LYST: variants seen among roughly 807,000 people sequenced by gnomAD.
LYST encodes lysosomal trafficking regulator, also known as lysosomal-trafficking regulator.
In LYST, 192 loss-of-function variants were observed where a neutral mutation model predicts 413.6. The observed-to-expected ratio is 0.46, with a 90% CI of 0.41 to 0.52. The LOEUF (loss-of-function observed/expected upper bound fraction) is 0.52. Ranked by LOEUF, LYST falls within the 20% of genes least tolerant of loss-of-function variation. The pLI is 0.00. For missense variants in LYST, 3,815 were observed against 4,499.9 expected (o/e 0.85, Z 4.35); for synonymous variants, 1,525 against 1,567.3 (o/e 0.97, Z 0.64).
At chr1:235,870,075 C>G (rs1680862535), upstream of LYST, among the ~76,000 whole-genome samples, 1 of 152,102 alleles carries the variant, frequency 6.6e-6, no homozygotes, top group Admixed American at 6.5e-5. Flanking sequence ...CCCTGGACCC[C>G]ACACATGAAT....
In LYST at chr1:235,857,402, T is replaced by A. The variant is rs545763141; in HGVS notation, c.-98+9441A>T. Reference sequence around the variant, plus strand: ...TATTTCTTCTGGGTACATCTTCCTATATAAGGATGTTGGGATTTGAAGAAA... The same window carrying A: ...TATTTCTTCTGGGTACATCTTCCTAAATAAGGATGTTGGGATTTGAAGAAA... On this transcript the variant is annotated intron_variant, in intron 1 of 52. Transcript: ENST00000389793. 2.0e-5 allele frequency among the ~76,000 whole-genome samples: 3 copies of A among 152,232 alleles called. No homozygotes were observed. The South Asian group carries it at 6.2e-4, about 32-fold the overall frequency.
intron 21 of LYST, among the ~76,000 whole-genome samples, chr1:235,763,413 CT>C (rs36022516): frequency 0.27 from 41,587 of 152,038 alleles, 7,497 homozygotes; most frequent in East Asian, 0.75. Context: ...TGACCACTAC[CT>C]TTCCTTTATC....
intron 3 of LYST, among the ~76,000 whole-genome samples, chr1:235,824,566 G>C (rs991528484): frequency 6.6e-6 from 1 of 152,118 alleles, no homozygotes; most frequent in Non-Finnish European, 1.5e-5. Flanking sequence ...GATAGGCTGG[G>C]CATGGTGGTA....
Position 235,809,915 on chromosome 1 carries a change from A to C in LYST, c.903T>G (p.Ser301Arg). The change falls in exon 5 of 53, where the codon AGT becomes AGG. Residue 301 changes from serine to arginine, a missense_variant. Coordinates refer to ENST00000389793, the MANE Select transcript of LYST (RefSeq NM_000081.4). The surrounding 1 kb of genome is among the most constrained non-coding windows in gnomAD (Gnocchi z 4.0). ...EFLAGFGDCC[S>R]LSDNLESRVV... ...CTCGACTCTCCAAGTTGTCGCTCAG[A>C]CTGCAGCAGTCCCCAAAGCCTGCTA... is the stretch of plus-strand genomic sequence containing the variant. 1 of 1,614,006 alleles carries C rather than the reference A, an allele frequency of 6.2e-7. No homozygotes were observed. Among genetic ancestry groups the C allele is most frequent in the Non-Finnish European group, 8.5e-7 (1 of 1,179,992 alleles).
intron 50 of LYST, among the ~76,000 whole-genome samples, chr1:235,673,402 G>A (rs952698407): frequency 4.6e-5 from 7 of 151,864 alleles, no homozygotes; most frequent in African/African-American, 1.2e-4. Context: ...AGCCACTACC[G>A]CCCCCTTATC....
intron 3 of LYST, chr1:235,828,210 G>C (rs185669795): frequency 1.1e-6 from 1 of 925,804 alleles, no homozygotes; most frequent in Non-Finnish European, 1.3e-6. Flanking sequence ...TGACATAAAA[G>C]AGAAAGCATA....
At chr1:235,863,459 CT>C (rs1459984031) in intron 1 of LYST, among the ~76,000 whole-genome samples, 1 of 146,682 alleles carries the variant, frequency 6.8e-6, no homozygotes, top group Non-Finnish European at 1.5e-5. Context: ...ATGACTCTGT[CT>C]AAAAAAAAAA....
intron 10 of LYST, among the ~76,000 whole-genome samples, chr1:235,798,001 G>A (rs1418805145): frequency 6.6e-6 from 1 of 152,054 alleles, no homozygotes; most frequent in Non-Finnish European, 1.5e-5. Flanking sequence ...ATATACGAAT[G>A]GCCAATAAGT....
intron 43 of LYST, among the ~76,000 whole-genome samples, chr1:235,710,656 T>C (rs2103122299): frequency 6.6e-6 from 1 of 152,316 alleles, no homozygotes; most frequent in East Asian, 1.9e-4. Context: ...CTTGCTACTC[T>C]CCATCACAAG....
intron 12 of LYST, 36 bp from the exon 13 acceptor site, chr1:235,788,881 G>A: frequency 6.2e-7 from 1 of 1,601,416 alleles, no homozygotes; most frequent in South Asian, 1.1e-5. Context: ...TCAGTAAAAT[G>A]GTTCGTAACA....
At chr1:235,841,447 A>T (rs1677189817) in intron 1 of LYST, among the ~76,000 whole-genome samples, 1 of 152,218 alleles carries the variant, frequency 6.6e-6, no homozygotes, top group South Asian at 2.1e-4. Flanking sequence ...TCTTCCCAGC[A>T]TCACTGGCAC....
chr1:235,825,557 T>TA (rs975718055), intron 3 of LYST, among the ~76,000 whole-genome samples: 6 of 151,776 alleles, frequency 4.0e-5, no homozygotes, highest in African/African-American at 1.5e-4. Context: ...AACAGGAAAA[T>TA]AAAAAAATTT....
In LYST at chr1:235,810,441, C is replaced by G; in HGVS notation, c.377G>C (p.Gly126Ala). The G allele has an allele frequency of 1.9e-6, 3 of 1,610,220 alleles. No individual in the cohort carries two copies. In the South Asian group the frequency reaches 3.3e-5, roughly 18 times the overall value. The stretch of plus-strand genomic sequence containing the variant: ...AGAAACCTGACTAGACAGGGCACTT[C>G]CTTCTAAATGTAATTTTTCCTGAGT... Reference protein sequence around the residue: ...RSTQEKLHLEGSALSSQVSAK... With the variant: ...RSTQEKLHLEASALSSQVSAK... The change falls in exon 5 of 53, where the codon GGA (glycine) becomes GCA (alanine). Residue 126 changes from glycine (G) to alanine (A), a missense_variant. This residue lies in a region of LYST where 1,648 missense variants were observed against 1,810.3 expected (regional missense o/e 0.91). Coordinates refer to ENST00000389793, the MANE Select transcript of LYST (RefSeq NM_000081.4).
chr1:235,755,405 AAAG>A, intron 25 of LYST, 70 bp downstream of exon 25: 1 of 1,276,764 alleles, frequency 7.8e-7, no homozygotes, highest in Non-Finnish European at 1.1e-6. Flanking sequence ...AAAGAAAAGA[AAAG>A]AAAAGAAAAG....
chr1:235,761,283 A>G (rs948681394), intron 22 of LYST, among the ~76,000 whole-genome samples: 1 of 152,164 alleles, frequency 6.6e-6, no homozygotes, highest in Admixed American at 6.6e-5. Flanking sequence ...AGTATTTAAT[A>G]ATTAGGATTG....
At chr1:235,697,315 G>T in intron 45 of LYST, 43 bp from the exon 46 acceptor site, 1 of 1,441,050 alleles carries the variant, frequency 6.9e-7, no homozygotes, top group South Asian at 1.2e-5. Context: ...TTAAAAGGTG[G>T]TAAGTGTAGA....
chr1:235,686,323 T>A lies in LYST; in HGVS notation c.10800+626A>T, dbSNP rs1169454290. On this transcript the variant is annotated intron_variant, in intron 48 of 52. Transcript: ENST00000389793. This position sits in a 1 kb window ranked among gnomAD's most constrained non-coding sequence, Gnocchi z 4.0. ...CAGAGGTTGCAGTGAGCTGAGATTG[T>A]GCCATTGCATTCCAGCTTAGGCAAG... 1.3e-5 allele frequency among the ~76,000 whole-genome samples: 2 copies of A among 152,178 alleles called. No individual in the cohort carries two copies. The highest frequency in any genetic ancestry group is 4.8e-5 in the African/African-American group (2 of 41,452).
rs1467759178 is a variant in LYST, at chr1:235,752,107, T to C, written c.7525A>G (p.Ile2509Val). 1.1e-5 allele frequency: 17 copies of C among 1,611,500 alleles called. No homozygotes were observed. The highest frequency in any genetic ancestry group is 1.4e-5 in the Non-Finnish European group (17 of 1,178,102). The change falls in exon 27 of 53, where the codon ATT (isoleucine) becomes GTT (valine). Residue 2509 changes from isoleucine (I) to valine (V), a missense_variant. By Grantham distance (29) the Ile-to-Val change is conservative. Around this residue, in one of 4 missense-constraint regions of LYST, gnomAD observed 771 missense variants for 837.1 expected, o/e 0.92. Coordinates refer to ENST00000389793, the MANE Select transcript of LYST (RefSeq NM_000081.4). ...GAGCCTGAGGAACTGCAAGCATGAATTGTAACTGCTATGAAAAGTTGCTGT... is the reference window on the plus strand; with the variant it reads ...GAGCCTGAGGAACTGCAAGCATGAACTGTAACTGCTATGAAAAGTTGCTGT... Reference protein sequence around the residue: ...DIQQLFIAVTIHACSSSGSQY... With the variant: ...DIQQLFIAVTVHACSSSGSQY...
At chr1:235,800,535 T>A (rs1248314356) in intron 9 of LYST, 149 bp from the exon 10 acceptor site, 1 of 612,262 alleles carries the variant, frequency 1.6e-6, no homozygotes, top group African/African-American at 1.9e-5. Flanking sequence ...ATGTGTAGGA[T>A]TATACTAATT....
Sources: gnomAD v4.1 joint callset for allele counts (sites outside exome capture counted in the v4.1 genomes callset) on GRCh38, gnomAD v4.1.1 for gene constraint, gnomAD v4.1.1 regional missense constraint, Gnocchi (gnomAD v3.1) non-coding constraint, MANE v1.5 for transcripts, NCBI Gene and HGNC (gene_info 2026-07-23, HGNC 2026-07-21) for gene names.